The following ELAPOR1 variants were observed in gnomAD, a reference collection of about 807,000 sequenced individuals.
ELAPOR1 encodes the protein endosome/lysosome-associated apoptosis and autophagy regulator 1.
In ELAPOR1, 77 loss-of-function variants were observed where a neutral mutation model predicts 119.7. That is an observed-to-expected ratio of 0.64 (90% CI 0.54 to 0.78). ELAPOR1 has a LOEUF of 0.78. ELAPOR1 is among the 30% of genes least tolerant of loss of function. ELAPOR1 has a pLI of 0.00. For missense variants in ELAPOR1, 1,115 were observed against 1,270.4 expected (o/e 0.88, Z 1.86); for synonymous variants, 481 against 487.2 (o/e 0.99, Z 0.17).
At chr1:109,122,811 G>T (rs755451730) in intron 1 of ELAPOR1, among the ~76,000 whole-genome samples, 5 of 152,164 alleles carry the variant, frequency 3.3e-5, no homozygotes, top group African/African-American at 4.8e-5. Flanking sequence ...ACAAAAATTA[G>T]CTGGGCATGA....
At chr1:109,175,167 T>A (rs1461891187) in intron 7 of ELAPOR1, among the ~76,000 whole-genome samples, 1 of 151,432 alleles carries the variant, frequency 6.6e-6, no homozygotes, top group African/African-American at 2.4e-5. Context: ...AGTCCAGTCA[T>A]TTTTTTTAAG....
At chr1:109,138,115 G>A (rs140786976) in intron 1 of ELAPOR1, among the ~76,000 whole-genome samples, 12 of 152,304 alleles carry the variant, frequency 7.9e-5, no homozygotes, top group Middle Eastern at 3.4e-3. Context: ...CCCCCAGAGC[G>A]TGGCCCCAGG....
chr1:109,177,316 CGG>C (rs2101073209), intron 7 of ELAPOR1, among the ~76,000 whole-genome samples: 1 of 134,886 alleles, frequency 7.4e-6, no homozygotes, highest in Non-Finnish European at 1.6e-5. Context: ...GGCTGCTGGG[CGG>C]AGGGGCTCCT....
chr1:109,132,730 G>T (rs1247763003), intron 1 of ELAPOR1, among the ~76,000 whole-genome samples: 1 of 152,134 alleles, frequency 6.6e-6, no homozygotes, highest in Non-Finnish European at 1.5e-5. Context: ...CCCAAGGAAG[G>T]CCAGTGTAAT....
chr1:109,186,297 G>A (rs966887737), intron 8 of ELAPOR1, among the ~76,000 whole-genome samples: 4 of 152,156 alleles, frequency 2.6e-5, no homozygotes, highest in Non-Finnish European at 5.9e-5. Flanking sequence ...AAGGGCTTGA[G>A]GTGCACGGAG....
At chr1:109,138,850 AAG>A (rs1649654813) in intron 1 of ELAPOR1, among the ~76,000 whole-genome samples, 1 of 151,630 alleles carries the variant, frequency 6.6e-6, no homozygotes, top group Admixed American at 6.6e-5. Flanking sequence ...AAAAAAAAAA[AAG>A]AATCTTCTCC....
chr1:109,117,046 T>C (rs987593774), intron 1 of ELAPOR1, among the ~76,000 whole-genome samples: 1 of 141,216 alleles, frequency 7.1e-6, no homozygotes, highest in African/African-American at 2.9e-5. Context: ...TGTTGGGTGT[T>C]GATGGCAGGA....
chr1:109,138,724 C>T (rs1440380845), intron 1 of ELAPOR1, among the ~76,000 whole-genome samples: 2 of 151,500 alleles, frequency 1.3e-5, no homozygotes, highest in Non-Finnish European at 2.9e-5. Context: ...CAGCCTTCTC[C>T]CCATAGTCCC....
intron 9 of ELAPOR1, 57 bp downstream of exon 9, chr1:109,188,411 T>A: frequency 3.2e-6 from 5 of 1,552,454 alleles, no homozygotes; most frequent in Non-Finnish European, 4.4e-6. Flanking sequence ...GTGGGCTGTG[T>A]GGGCACTAAC....
rs1654499178 is a variant in ELAPOR1 at position 109,206,433 on chromosome 1, C to A, written c.*3421C>A. The stretch of plus-strand genomic sequence containing the variant: ...AAATGTTTAAATCTCATTTGGTTAC[C>A]TTGAGTCCTGGAACATGCAGTAACT... On this transcript the variant is annotated 3_prime_UTR_variant, in exon 22 of 22. Transcript: ENST00000369939. The A allele has an allele frequency of 6.6e-6, 1 of 152,156 alleles. No homozygotes were observed. The highest frequency in any genetic ancestry group is 1.5e-5 in the Non-Finnish European group (1 of 68,038). The allele number at this position is 152,156 out of a possible 1,614,324, so 9.4% of individuals were successfully genotyped here.
intron 15 of ELAPOR1, among the ~76,000 whole-genome samples, chr1:109,194,978 T>C (rs614901): frequency 0.66 from 100,295 of 151,304 alleles, 36,187 homozygotes; most frequent in East Asian, 0.97. Flanking sequence ...GGCGTGGTGG[T>C]GCATGCCTGT....
chr1:109,184,905 G>A, intron 7 of ELAPOR1, 140 bp from the exon 8 acceptor site: 2 of 702,042 alleles, frequency 2.8e-6, no homozygotes, highest in Admixed American at 4.1e-5. Context: ...GGGGAAGGGT[G>A]AGTGTGCAGG....
chr1:109,179,218 T>G (rs1260644553), intron 7 of ELAPOR1, among the ~76,000 whole-genome samples: 1 of 151,358 alleles, frequency 6.6e-6, no homozygotes, highest in Non-Finnish European at 1.5e-5. Flanking sequence ...CTGGGCAACA[T>G]GGTGAAACCC....
chr1:109,124,938 T>G (rs1386433281), intron 1 of ELAPOR1, among the ~76,000 whole-genome samples: 1 of 152,104 alleles, frequency 6.6e-6, no homozygotes. Flanking sequence ...CTCTCTTTTT[T>G]TTTTGAGAGA....
chr1:109,193,816 T>C (rs1570722601), intron 14 of ELAPOR1, among the ~76,000 whole-genome samples: 1 of 152,346 alleles, frequency 6.6e-6, no homozygotes, highest in East Asian at 1.9e-4. Context: ...CCTGGACTTT[T>C]GCCACAACCT....
chr1:109,125,674 A>G (rs1648731323), intron 1 of ELAPOR1, among the ~76,000 whole-genome samples: 1 of 152,098 alleles, frequency 6.6e-6, no homozygotes, highest in South Asian at 2.1e-4. Context: ...GGGAGCCACC[A>G]CGCCCGGCCA....
chr1:109,169,971 G>A lies in ELAPOR1; in HGVS notation c.468-1895G>A, dbSNP rs76372418. ...ATGCACAAATATATATGGCAGAGCC[G>A]TACAAAGGAATGTTATGCAGTAGTA... On this transcript the variant is annotated intron_variant, in intron 3 of 21. Coordinates refer to ENST00000369939, the MANE Select transcript of ELAPOR1 (RefSeq NM_020775.5). Among the ~76,000 whole-genome samples, 144 of 152,308 alleles carry A rather than the reference G, an allele frequency of 9.5e-4. 1 individual carries two copies. Among genetic ancestry groups the A allele is most frequent in the African/African-American group, 3.3e-3 (138 of 41,548 alleles).
intron 7 of ELAPOR1, among the ~76,000 whole-genome samples, chr1:109,179,528 G>A (rs1032510908): frequency 2.6e-5 from 4 of 152,146 alleles, no homozygotes; most frequent in Admixed American, 1.3e-4. Flanking sequence ...TGAGAAGCAG[G>A]CCGGAAACAG....
At chr1:109,116,104 T>A (rs1647978576) in intron 1 of ELAPOR1, among the ~76,000 whole-genome samples, 1 of 152,196 alleles carries the variant, frequency 6.6e-6, no homozygotes, top group South Asian at 2.1e-4. Context: ...ATTATCTTGG[T>A]TTGGAGGAAG....
Sources: gnomAD v4.1 joint callset for allele counts (sites outside exome capture counted in the v4.1 genomes callset) on GRCh38, gnomAD v4.1.1 for gene constraint, MANE v1.5 for transcripts, NCBI Gene and HGNC (gene_info 2026-07-23, HGNC 2026-07-21) for gene names.